Variants in DNAH8 observed in about 807,000 individuals in gnomAD.
The protein encoded by DNAH8 is dynein axonemal heavy chain 8, also known as axonemal beta dynein heavy chain 8.
Under a neutral mutation model 562.1 loss-of-function variants are expected in DNAH8, and 382 were observed. The observed-to-expected ratio is 0.68, with a 90% CI of 0.63 to 0.74. The LOEUF is 0.74. Ranked by LOEUF, DNAH8 falls within the 30% of genes least tolerant of loss-of-function variation. DNAH8 has a pLI of 0.00. For synonymous variants in DNAH8, 1,881 were observed against 1,919.4 expected, an observed-to-expected ratio of 0.98 and a Z score of 0.52; for missense variants, 5,203 against 5,620.4, an observed-to-expected ratio of 0.93 and a Z score of 2.37.
At chr6:39,026,701 T>G in intron 92 of DNAH8, 34 bp downstream of exon 92, 2 of 1,604,990 alleles carry the variant, frequency 1.2e-6, no homozygotes, top group South Asian at 2.2e-5. Flanking sequence ...GGGACCATTC[T>G]GGAGCCAGAG....
chr6:38,879,518 T>A (rs1191470937), intron 53 of DNAH8, among the ~76,000 whole-genome samples: 1 of 152,204 alleles, frequency 6.6e-6, no homozygotes, highest in Non-Finnish European at 1.5e-5. Context: ...AGAAAAGCAT[T>A]TGGCAAAATT....
intron 8 of DNAH8, chr6:38,744,403 A>G (rs186764576): frequency 6.6e-6 from 1 of 152,128 alleles, no homozygotes; most frequent in East Asian, 1.9e-4. Flanking sequence ...AACTAAAAAA[A>G]AATTTTTGGG....
In DNAH8 at chr6:38,948,764, C is replaced by G. The variant is rs532353439; in HGVS notation, c.12130-688C>G. On this transcript the variant is annotated intron_variant, in intron 80 of 92. Transcript: ENST00000327475. ...GATGGAACTTGGGCGTCAGTGAGCA[C>G]CTTTTAATGCCTCTGAAAACCTGAA... Among the ~76,000 whole-genome samples, 12 of 152,180 alleles carry G rather than the reference C, an allele frequency of 7.9e-5. No individual in the cohort carries two copies. The East Asian group carries it at 1.2e-3, about 15-fold the overall frequency.
At chr6:38,875,863 C>A in intron 53 of DNAH8, 35 bp downstream of exon 53, 2 of 1,393,340 alleles carry the variant, frequency 1.4e-6, no homozygotes, top group Non-Finnish European at 2.0e-6. Flanking sequence ...AATGAAATGA[C>A]TTTTTTCAAA....
At chr6:38,951,739 T>G (rs1369711646) in intron 82 of DNAH8, among the ~76,000 whole-genome samples, 1 of 149,372 alleles carries the variant, frequency 6.7e-6, no homozygotes, top group Non-Finnish European at 1.5e-5. Flanking sequence ...GCATATAGTG[T>G]TTTTTTTTTG....
In DNAH8 at chr6:39,012,648, A is replaced by G. The variant is rs1766296951; in HGVS notation, c.13714+11A>G. ...TCTTTAATCCCCAAGGTATGTGCTC[A>G]TAGGAGATTTGGCAAGCTTGGAATT... On this transcript the variant is annotated intron_variant, in intron 91 of 92. Transcript: ENST00000327475. 1.2e-6 allele frequency: 2 copies of G among 1,606,682 alleles called. No homozygotes were observed. The highest frequency in any genetic ancestry group is 4.5e-5 in the East Asian group (2 of 44,818).
At chr6:38,831,430 C>CAA (rs67322321) in intron 30 of DNAH8, among the ~76,000 whole-genome samples, 282 of 88,850 alleles carry the variant, frequency 3.2e-3, no homozygotes, top group Middle Eastern at 6.4e-3. Context: ...GACACCATCT[C>CAA]AAAAAAAAAA....
chr6:38,794,311 A>AT (rs111784032), intron 21 of DNAH8, among the ~76,000 whole-genome samples: 23,923 of 141,374 alleles, frequency 0.17, 2,037 homozygotes, highest in East Asian at 0.32. Flanking sequence ...CAAGGCCTTA[A>AT]TTTTTTTTTT....
chr6:38,976,443 A>C (rs1468731664), intron 85 of DNAH8, among the ~76,000 whole-genome samples: 2 of 152,230 alleles, frequency 1.3e-5, no homozygotes, highest in Admixed American at 1.3e-4. Context: ...GAAATATCAC[A>C]GAAGTGTTTG....
intron 43 of DNAH8, among the ~76,000 whole-genome samples, chr6:38,861,288 C>G (rs527397940): frequency 6.6e-6 from 1 of 152,286 alleles, no homozygotes; most frequent in South Asian, 2.1e-4. Flanking sequence ...TTTATATGCC[C>G]AGTGCCATAG....
intron 79 of DNAH8, among the ~76,000 whole-genome samples, chr6:38,941,120 G>GAA (rs571589806): frequency 7.5e-6 from 1 of 132,470 alleles, no homozygotes. Context: ...CTCTGTCTCA[G>GAA]AAAAAAAAAA....
intron 58 of DNAH8, among the ~76,000 whole-genome samples, chr6:38,891,705 A>G (rs529250501): frequency 4.6e-5 from 7 of 152,340 alleles, no homozygotes; most frequent in African/African-American, 1.7e-4. Context: ...CGTCTGAGAT[A>G]GTTTTCCGTG....
Position 39,009,491 on chromosome 6 carries a change from C to T in DNAH8, c.13371+521C>T, listed in dbSNP as rs16891395. Among the ~76,000 whole-genome samples, 1,042 of 152,234 alleles carry T rather than the reference C, an allele frequency of 6.8e-3. 35 individuals are homozygous for T. The East Asian group carries it at 0.092, about 14-fold the overall frequency. ...TTAGTGGAGATATTATGAATATAAG[C>T]ACCCTGTTACCAATCTGAAGTCTTC... On this transcript the variant is annotated intron_variant, in intron 89 of 92. Transcript: ENST00000327475.
chr6:38,941,133 G>A (rs1224913852), intron 79 of DNAH8, among the ~76,000 whole-genome samples: 3 of 150,930 alleles, frequency 2.0e-5, no homozygotes, highest in African/African-American at 4.9e-5. Context: ...AAAAAAAAAA[G>A]GAATCTAGAC....
chr6:38,837,521 C>T (rs1388516862), intron 32 of DNAH8, among the ~76,000 whole-genome samples: 1 of 152,184 alleles, frequency 6.6e-6, no homozygotes, highest in Admixed American at 6.5e-5. Context: ...ATAGACTCTT[C>T]ATTGCATGTA....
At chr6:38,876,163 A>G (rs762737157) in intron 53 of DNAH8, among the ~76,000 whole-genome samples, 1 of 152,260 alleles carries the variant, frequency 6.6e-6, no homozygotes, top group South Asian at 2.1e-4. Context: ...GATGCAAAGC[A>G]TGCTAATACA....
intron 82 of DNAH8, among the ~76,000 whole-genome samples, chr6:38,952,599 A>G (rs1233968333): frequency 6.6e-6 from 1 of 152,224 alleles, no homozygotes; most frequent in Non-Finnish European, 1.5e-5. Context: ...AGCATGATAT[A>G]AAATCAATTC....
At chr6:38,766,347 G>A (rs1341698744) in intron 11 of DNAH8, among the ~76,000 whole-genome samples, 1 of 152,178 alleles carries the variant, frequency 6.6e-6, no homozygotes, top group East Asian at 1.9e-4. Context: ...GAAGTGGAGA[G>A]TAGAATGGTG....
At chr6:38,774,438 G>A (rs1582968528) in intron 12 of DNAH8, among the ~76,000 whole-genome samples, 2 of 152,158 alleles carry the variant, frequency 1.3e-5, no homozygotes. Context: ...TGTTGAAAAA[G>A]CCAGGGCCAG....
Sources: allele counts gnomAD v4.1 joint callset (sites outside exome capture counted in the v4.1 genomes callset), GRCh38; gene constraint gnomAD v4.1.1; transcripts MANE v1.5; gene names NCBI Gene and HGNC (gene_info 2026-07-23, HGNC 2026-07-21).